CSMD1: variants seen among roughly 807,000 people sequenced by gnomAD.
The protein encoded by CSMD1 is CUB and sushi domain-containing protein 1.
Under a neutral mutation model 417.5 loss-of-function variants are expected in CSMD1, and 213 were observed. That is an observed-to-expected ratio of 0.51 (90% confidence interval 0.46 to 0.57). The LOEUF (loss-of-function observed/expected upper bound fraction) is 0.57, where lower values mean the gene tolerates loss of function less well. Ranked by LOEUF, CSMD1 falls within the 20% of genes least tolerant of loss-of-function variation. The pLI, the probability that CSMD1 is intolerant of heterozygous loss-of-function variation, is 0.00. For synonymous variants in CSMD1, 2,862 were observed against 1,736.8 expected (o/e 1.65, Z -16.11); for missense variants, 6,923 against 4,529.7 (o/e 1.53, Z -15.17).
At position 3,931,018 on chromosome 8, in the gene CSMD1, T is replaced by G. The variant is rs539082142; in HGVS notation, c.818+66885A>C. On this transcript the variant is annotated intron_variant, in intron 5 of 69. Transcript: ENST00000635120. ...TAAAGGTGTTAACTAGCCATAGTGCTAATTTCCACAGGGAAAATCTTAACT... is the reference window on the plus strand; with the variant it reads ...TAAAGGTGTTAACTAGCCATAGTGCGAATTTCCACAGGGAAAATCTTAACT... 6.4e-4 allele frequency among the ~76,000 whole-genome samples: 96 copies of G among 150,764 alleles called. 4 individuals are homozygous for G. Among genetic ancestry groups the G allele is most frequent in the Non-Finnish European group, 1.1e-3 (76 of 67,578 alleles).
At chr8:4,582,328 A>C (rs958033296) in intron 2 of CSMD1, among the ~76,000 whole-genome samples, 10 of 152,220 alleles carry the variant, frequency 6.6e-5, no homozygotes, top group Non-Finnish European at 1.3e-4. Flanking sequence ...TGCAGAGCCA[A>C]ATTAGAAAAG....
intron 3 of CSMD1, among the ~76,000 whole-genome samples, chr8:4,247,833 T>A (rs970329216): frequency 6.6e-6 from 1 of 152,212 alleles, no homozygotes; most frequent in African/African-American, 2.4e-5. Flanking sequence ...CTTTGTGACA[T>A]TATTAATAAA....
At chr8:3,479,494 A>C (rs1194763915) in intron 11 of CSMD1, among the ~76,000 whole-genome samples, 1 of 152,080 alleles carries the variant, frequency 6.6e-6, no homozygotes, top group African/African-American at 2.4e-5. Flanking sequence ...TGGTCATGCT[A>C]GTCTTGAACT....
At chr8:4,471,120 T>C (rs1329676179) in intron 2 of CSMD1, among the ~76,000 whole-genome samples, 1 of 152,212 alleles carries the variant, frequency 6.6e-6, no homozygotes, top group Non-Finnish European at 1.5e-5. Flanking sequence ...GTTTAATTTT[T>C]AAAATTATCC....
intron 5 of CSMD1, among the ~76,000 whole-genome samples, chr8:3,893,283 G>C (rs1224341568): frequency 3.6e-5 from 5 of 139,382 alleles, no homozygotes; most frequent in South Asian, 2.4e-4. Flanking sequence ...CAAGTAATTT[G>C]TGATTTCTTA....
rs116351721 is a variant in CSMD1, at chr8:4,937,542, G to A, written c.85+56790C>T. On this transcript the variant is annotated intron_variant, in intron 1 of 69. Coordinates refer to ENST00000635120, the MANE Select transcript of CSMD1 (RefSeq NM_033225.6). ...AAAAAACAATGGCTAGTAACTTACAGTACCAAATTCCTCTTTCTGTCAGCA... is the reference window on the plus strand; with the variant it reads ...AAAAAACAATGGCTAGTAACTTACAATACCAAATTCCTCTTTCTGTCAGCA... 4.9e-3 allele frequency among the ~76,000 whole-genome samples: 747 copies of A among 152,306 alleles called. 10 individuals carry two copies. The highest frequency in any genetic ancestry group is 0.017 in the African/African-American group (725 of 41,564).
intron 1 of CSMD1, among the ~76,000 whole-genome samples, chr8:4,993,652 C>T (rs1481344013): frequency 1.3e-5 from 2 of 152,154 alleles, no homozygotes; most frequent in African/African-American, 4.8e-5. Context: ...ACTTGGAAGC[C>T]GGTCCAGAAC....
chr8:3,580,299 G>A (rs1020694069), intron 9 of CSMD1, among the ~76,000 whole-genome samples: 1 of 152,130 alleles, frequency 6.6e-6, no homozygotes, highest in Admixed American at 6.5e-5. Flanking sequence ...TTTGTAAAGT[G>A]AGGGAAAAGG....
At chr8:3,924,957 G>A (rs1358923810) in intron 5 of CSMD1, among the ~76,000 whole-genome samples, 1 of 151,878 alleles carries the variant, frequency 6.6e-6, no homozygotes, top group Non-Finnish European at 1.5e-5. Flanking sequence ...GTTCTGCATT[G>A]CTTTCTTAGC....
chr8:4,898,882 G>C (rs953981042), intron 1 of CSMD1, among the ~76,000 whole-genome samples: 1 of 152,126 alleles, frequency 6.6e-6, no homozygotes, highest in Admixed American at 6.5e-5. Flanking sequence ...TAACATAACA[G>C]CTAGATACAT....
intron 2 of CSMD1, among the ~76,000 whole-genome samples, chr8:4,561,401 G>A (rs549524300): frequency 9.2e-5 from 14 of 152,092 alleles, no homozygotes; most frequent in Non-Finnish European, 2.1e-4. Context: ...AAAAAATTCT[G>A]GCCAGGCACA....
chr8:4,548,120 A>AT (rs923732759), intron 2 of CSMD1, among the ~76,000 whole-genome samples: 57 of 152,216 alleles, frequency 3.7e-4, no homozygotes, highest in African/African-American at 1.2e-3. Flanking sequence ...ATTTGCTTTG[A>AT]TGATGATACT....
At chr8:4,423,811 C>G (rs34063658) in intron 2 of CSMD1, among the ~76,000 whole-genome samples, 2 of 152,002 alleles carry the variant, frequency 1.3e-5, no homozygotes, top group South Asian at 2.1e-4. Context: ...GATTTCAAGA[C>G]TTATTTTATA....
intron 5 of CSMD1, among the ~76,000 whole-genome samples, chr8:3,816,792 T>C (rs1379876544): frequency 1.3e-5 from 2 of 152,200 alleles, no homozygotes; most frequent in Non-Finnish European, 2.9e-5. Context: ...AAATATGGTA[T>C]ACTGTATATA....
At position 4,108,799 on chromosome 8, in the gene CSMD1, G is replaced by C. The variant is rs973822748; in HGVS notation, c.416-76700C>G. ...GAAATATCTTGATTCTAAAGCACAA[G>C]CTCCTAAGTAGCATGGCAAAGACCA... On this transcript the variant is annotated intron_variant, in intron 3 of 69. Coordinates refer to ENST00000635120, the MANE Select transcript of CSMD1 (RefSeq NM_033225.6). Among the ~76,000 whole-genome samples, 5 of 151,908 alleles carry C rather than the reference G, an allele frequency of 3.3e-5. No homozygotes were observed. In the East Asian group the frequency reaches 7.7e-4, roughly 23 times the overall value.
At chr8:3,488,106 A>ATTT (rs1462677233) in intron 11 of CSMD1, among the ~76,000 whole-genome samples, 1 of 150,866 alleles carries the variant, frequency 6.6e-6, no homozygotes, top group African/African-American at 2.4e-5. Context: ...TATTATTATT[A>ATTT]TTATTTTTCT....
intron 3 of CSMD1, among the ~76,000 whole-genome samples, chr8:4,304,208 G>C (rs1910715): frequency 1.4e-4 from 22 of 152,328 alleles, no homozygotes; most frequent in African/African-American, 3.8e-4. Flanking sequence ...TTGATGAAAA[G>C]AGATTTAAAG....
chr8:3,951,367 A>C (rs1811588713), intron 5 of CSMD1, among the ~76,000 whole-genome samples: 1 of 152,226 alleles, frequency 6.6e-6, no homozygotes, highest in Admixed American at 6.5e-5. Flanking sequence ...TCAAGAATTC[A>C]ATAAGTTTGT....
intron 2 of CSMD1, among the ~76,000 whole-genome samples, chr8:4,466,439 G>A (rs954885179): frequency 6.1e-5 from 2 of 32,800 alleles, no homozygotes; most frequent in African/African-American, 1.7e-4. Context: ...GTCTTCAAAT[G>A]AGTATATATA....
Sources: gnomAD v4.1 joint callset for allele counts (sites outside exome capture counted in the v4.1 genomes callset) on GRCh38, gnomAD v4.1.1 for gene constraint, MANE v1.5 for transcripts, NCBI Gene and HGNC (gene_info 2026-07-23, HGNC 2026-07-21) for gene names.